Variants in ANKS1B observed in about 807,000 individuals in gnomAD.
ANKS1B encodes ankyrin repeat and sterile alpha motif domain containing 1B.
ANKS1B carries 36 observed loss-of-function variants against 148.3 expected under a neutral mutation model. The ratio of observed to expected loss-of-function variants is 0.24; its 90% CI spans 0.19 to 0.32. The LOEUF is 0.32. ANKS1B is among the 10% of genes least tolerant of loss of function. The pLI is 1.00. For synonymous variants in ANKS1B, 542 were observed against 560.8 expected, an observed-to-expected ratio of 0.97 and a Z score of 0.47; for missense variants, 1,157 against 1,542.6, an observed-to-expected ratio of 0.75 and a Z score of 4.19.
At chr12:98,781,038 T>G (rs970469907) in intron 24 of ANKS1B, 79 bp downstream of exon 24, 1 of 863,828 alleles carries the variant, frequency 1.2e-6, no homozygotes, top group Non-Finnish European at 1.8e-6. Context: ...GTGCTGGGTA[T>G]TATAGGAAGC....
intron 12 of ANKS1B, among the ~76,000 whole-genome samples, chr12:99,265,407 T>C (rs1043110653): frequency 6.6e-6 from 1 of 152,160 alleles, no homozygotes; most frequent in Non-Finnish European, 1.5e-5. Flanking sequence ...CTCCACTTGA[T>C]TCTTACCATT....
intron 17 of ANKS1B, among the ~76,000 whole-genome samples, chr12:98,859,650 T>A (rs1039859675): frequency 6.6e-6 from 1 of 152,250 alleles, no homozygotes; most frequent in African/African-American, 2.4e-5. Context: ...CCTTTATGCA[T>A]TTTAGTTTAT....
At chr12:99,667,293 G>C (rs2098513299) in intron 8 of ANKS1B, among the ~76,000 whole-genome samples, 1 of 151,286 alleles carries the variant, frequency 6.6e-6, no homozygotes, top group African/African-American at 2.4e-5. Context: ...AGGTTGCAGT[G>C]AGCCGAGATC....
rs539035124 is a variant in ANKS1B at position 99,564,698 on chromosome 12, T to C, written c.1273-60057A>G. 1.2e-4 allele frequency among the ~76,000 whole-genome samples: 19 copies of C among 152,266 alleles called. 1 individual carries two copies. The South Asian group carries it at 2.5e-3, about 20-fold the overall frequency. ...CCCTTACAAGACTAACTTTTTCCATTAATTCCTAACCAATTTCTGTTTTTA... is the reference window on the plus strand; with the variant it reads ...CCCTTACAAGACTAACTTTTTCCATCAATTCCTAACCAATTTCTGTTTTTA... On this transcript the variant is annotated intron_variant, in intron 9 of 26. Coordinates refer to ENST00000683438, the MANE Select transcript of ANKS1B (RefSeq NM_001352186.2).
intron 9 of ANKS1B, among the ~76,000 whole-genome samples, chr12:99,595,722 A>G (rs750304847): frequency 1.1e-4 from 16 of 152,058 alleles, no homozygotes; most frequent in Admixed American, 6.6e-4. Context: ...CCCCTGTATA[A>G]TACCTCTTAA....
chr12:98,859,806 A>G (rs987084743), intron 17 of ANKS1B, among the ~76,000 whole-genome samples: 5 of 152,198 alleles, frequency 3.3e-5, no homozygotes, highest in Non-Finnish European at 7.3e-5. Flanking sequence ...AAAGCTCTCT[A>G]AATTTTTGGC....
intron 25 of ANKS1B, among the ~76,000 whole-genome samples, chr12:98,762,650 C>T (rs780131289): frequency 2.0e-5 from 3 of 152,224 alleles, no homozygotes; most frequent in Non-Finnish European, 4.4e-5. Context: ...AGACTCACCT[C>T]GGGCATCATA....
intron 15 of ANKS1B, among the ~76,000 whole-genome samples, chr12:99,099,140 G>T (rs539958319): frequency 6.6e-6 from 1 of 152,220 alleles, no homozygotes; most frequent in East Asian, 1.9e-4. Flanking sequence ...TCTGGGTGCC[G>T]GCAGAGGGAG....
intron 17 of ANKS1B, 89 bp downstream of exon 17, chr12:99,053,068 T>A: frequency 1.7e-6 from 2 of 1,192,356 alleles, no homozygotes; most frequent in Non-Finnish European, 2.3e-6. Flanking sequence ...TAAATCCCCA[T>A]TGGATGTCCA....
chr12:98,956,350 C>T (rs1401214932), intron 17 of ANKS1B: 1 of 152,216 alleles, frequency 6.6e-6, no homozygotes, highest in East Asian at 1.9e-4. Context: ...AAATCTTCTC[C>T]TACCTGGTTT....
chr12:99,431,947 G>A (rs776439293), intron 11 of ANKS1B, among the ~76,000 whole-genome samples: 1 of 152,176 alleles, frequency 6.6e-6, no homozygotes, highest in Non-Finnish European at 1.5e-5. Context: ...TCTCATGAAT[G>A]GCTTGGTTCT....
chr12:98,862,679 G>A (rs922909386), intron 17 of ANKS1B, among the ~76,000 whole-genome samples: 16 of 152,042 alleles, frequency 1.1e-4, no homozygotes, highest in African/African-American at 1.7e-4. Context: ...GAACCAGTGC[G>A]ACATTCTGAA....
At chr12:99,641,803 T>C (rs376208579) in intron 9 of ANKS1B, among the ~76,000 whole-genome samples, 2 of 152,200 alleles carry the variant, frequency 1.3e-5, no homozygotes, top group East Asian at 3.9e-4. Flanking sequence ...TAGTAAAAAA[T>C]ATTGAACAGT....
chr12:98,856,569 G>A (rs935640758), intron 17 of ANKS1B, among the ~76,000 whole-genome samples: 1 of 152,190 alleles, frequency 6.6e-6, no homozygotes, highest in African/African-American at 2.4e-5. Flanking sequence ...TGAGTTGGGT[G>A]CAGCCTTAAT....
At chr12:98,868,708 C>T (rs2099638157) in intron 17 of ANKS1B, among the ~76,000 whole-genome samples, 1 of 152,234 alleles carries the variant, frequency 6.6e-6, no homozygotes, top group African/African-American at 2.4e-5. Flanking sequence ...TGCTAACACA[C>T]TTAGCATGAG....
chr12:99,440,545 T>C (rs2095533244), intron 11 of ANKS1B, among the ~76,000 whole-genome samples: 1 of 151,684 alleles, frequency 6.6e-6, no homozygotes, highest in Admixed American at 6.6e-5. Context: ...ATAGATTGCT[T>C]CACAATCTAG....
chr12:99,648,216 C>G, intron 9 of ANKS1B: 1 of 1,614,144 alleles, frequency 6.2e-7, no homozygotes, highest in Non-Finnish European at 8.5e-7. Flanking sequence ...CGGCCCAAAG[C>G]AGCCCCGCAA....
chr12:99,448,368 T>C (rs907652660), intron 10 of ANKS1B, among the ~76,000 whole-genome samples: 1 of 152,146 alleles, frequency 6.6e-6, no homozygotes, highest in Non-Finnish European at 1.5e-5. Flanking sequence ...ACACGTGATC[T>C]CACTTATATA....
chr12:99,383,199 G>A (rs2093716355), intron 12 of ANKS1B, among the ~76,000 whole-genome samples: 1 of 152,096 alleles, frequency 6.6e-6, no homozygotes, highest in African/African-American at 2.4e-5. Context: ...AACCTTAGAT[G>A]GTTTCCCGCC....
Sources: gnomAD v4.1 joint callset for allele counts (sites outside exome capture counted in the v4.1 genomes callset) on GRCh38, gnomAD v4.1.1 for gene constraint, MANE v1.5 for transcripts, NCBI Gene and HGNC (gene_info 2026-07-23, HGNC 2026-07-21) for gene names.